The following CUL4A variants were observed in gnomAD, a reference collection of about 807,000 sequenced individuals.
The protein encoded by CUL4A is cullin-4A.
CUL4A carries 16 observed loss-of-function variants against 95.5 expected under a neutral mutation model. The observed-to-expected ratio is 0.17, with a 90% CI of 0.11 to 0.25. The LOEUF (loss-of-function observed/expected upper bound fraction) is 0.25. Ranked by LOEUF, CUL4A falls within the 10% of genes least tolerant of loss-of-function variation. The probability of loss-of-function intolerance (pLI) is 1.00; values close to 1 mark genes in which losing one functional copy is unlikely to be tolerated. For missense variants in CUL4A, 610 were observed against 937.0 expected (o/e 0.65, Z 4.56); for synonymous variants, 380 against 353.1 (o/e 1.08, Z -0.85).
At chr13:113,251,416 A>G (rs1481916097) in intron 15 of CUL4A, among the ~76,000 whole-genome samples, 1 of 152,206 alleles carries the variant, frequency 6.6e-6, no homozygotes, top group Non-Finnish European at 1.5e-5. Flanking sequence ...TCTTTGTCCC[A>G]AGATCTTTAG....
chr13:113,219,014 G>A lies in CUL4A; in HGVS notation c.334G>A (p.Asp112Asn). Residue 112 changes from aspartate (D) to asparagine (N), a missense_variant, in exon 3 of 20, where the codon GAC (aspartate) becomes AAC (asparagine). Asp to Asn is a conservative substitution (Grantham distance 23, BLOSUM62 1). Around this residue, in one of 10 missense-constraint regions of CUL4A, gnomAD observed 168 missense variants for 185.5 expected, o/e 0.91. Coordinates refer to ENST00000375440, the MANE Select transcript of CUL4A (RefSeq NM_001008895.4). ...LYKQLRQACE[D>N]HVQAQILPFR... Reference sequence around the variant, plus strand: ...CAAGCAACTGCGTCAGGCCTGTGAAGACCACGTCCAGGCACAGATCCTTCC... The same window carrying A: ...CAAGCAACTGCGTCAGGCCTGTGAAAACCACGTCCAGGCACAGATCCTTCC... 6.2e-7 allele frequency: 1 copy of A among 1,613,004 alleles called. No homozygotes were observed. The highest frequency in any genetic ancestry group is 8.5e-7 in the Non-Finnish European group (1 of 1,179,588).
At chr13:113,229,088 C>G (rs766704124) in intron 4 of CUL4A, among the ~76,000 whole-genome samples, 1 of 152,108 alleles carries the variant, frequency 6.6e-6, no homozygotes, top group Non-Finnish European at 1.5e-5. Context: ...CACCGCACTC[C>G]AGCCTGGGCG....
chr13:113,216,378 T>G (rs1485091922), intron 2 of CUL4A, among the ~76,000 whole-genome samples: 1 of 152,232 alleles, frequency 6.6e-6, no homozygotes, highest in African/African-American at 2.4e-5. Flanking sequence ...CACACACGTG[T>G]CTGTTGAGCT....
chr13:113,243,441 C>T (rs752736101), intron 11 of CUL4A, among the ~76,000 whole-genome samples: 1 of 152,184 alleles, frequency 6.6e-6, no homozygotes, highest in East Asian at 1.9e-4. Context: ...GAGGGGTGAT[C>T]ACCATCTTTG....
chr13:113,237,699 CTT>C (rs1433248339), intron 9 of CUL4A, among the ~76,000 whole-genome samples: 5 of 152,108 alleles, frequency 3.3e-5, no homozygotes, highest in Non-Finnish European at 7.4e-5. Flanking sequence ...AAATACGAGA[CTT>C]TTTTCAAGCC....
chr13:113,248,104 C>T (rs1008629554), intron 15 of CUL4A, among the ~76,000 whole-genome samples: 2 of 151,940 alleles, frequency 1.3e-5, no homozygotes, highest in Non-Finnish European at 2.9e-5. Flanking sequence ...GTTTCTCCAC[C>T]GTATCGTTAG....
chr13:113,255,271 T>A lies in CUL4A; in HGVS notation c.2031+146T>A, dbSNP rs544880166. The A allele has an allele frequency of 4.5e-5, 24 of 537,262 alleles. No individual in the cohort carries two copies. In the South Asian group the frequency reaches 8.7e-4, roughly 19 times the overall value. The allele number at this position is 537,262 out of a possible 1,614,324, so 33.3% of individuals were successfully genotyped here. A position where few individuals can be genotyped will look rare whatever the true frequency, so the allele number is the denominator to read the frequency against. ...ATGTAATGTTTATAAGAGTACTCATTTTCCTGTCGCTTTCATTAACTTCAC... is the reference window on the plus strand; with the variant it reads ...ATGTAATGTTTATAAGAGTACTCATATTCCTGTCGCTTTCATTAACTTCAC... On this transcript the variant is annotated intron_variant, in intron 18 of 19. Transcript: ENST00000375440.
At chr13:113,254,327 A>G (rs1419056339) in intron 16 of CUL4A, among the ~76,000 whole-genome samples, 1 of 152,184 alleles carries the variant, frequency 6.6e-6, no homozygotes, top group Non-Finnish European at 1.5e-5. Context: ...TCCCGTATAA[A>G]AGAAAGCTGG....
chr13:113,239,143 T>C (rs2041631838), intron 9 of CUL4A, among the ~76,000 whole-genome samples: 1 of 152,196 alleles, frequency 6.6e-6, no homozygotes, highest in African/African-American at 2.4e-5. Flanking sequence ...AAATAGTTGG[T>C]GTAAACTGGA....
At chr13:113,214,070 G>A (rs2040552987) in intron 2 of CUL4A, among the ~76,000 whole-genome samples, 1 of 152,222 alleles carries the variant, frequency 6.6e-6, no homozygotes, top group Admixed American at 6.5e-5. Flanking sequence ...TGTATACTTT[G>A]CCAAAGAATC....
At chr13:113,249,925 A>G (rs150593758) in intron 15 of CUL4A, among the ~76,000 whole-genome samples, 27 of 152,238 alleles carry the variant, frequency 1.8e-4, no homozygotes, top group African/African-American at 5.8e-4. Context: ...TGCTTTGCCT[A>G]GTTTTTAACC....
chr13:113,215,113 T>C (rs1048559427), intron 2 of CUL4A, among the ~76,000 whole-genome samples: 9 of 151,332 alleles, frequency 5.9e-5, no homozygotes, highest in South Asian at 4.2e-4. Flanking sequence ...TGGAGGTCAC[T>C]GTGTGACCAT....
intron 2 of CUL4A, among the ~76,000 whole-genome samples, chr13:113,211,065 T>C (rs1451910844): frequency 6.6e-6 from 1 of 152,238 alleles, no homozygotes; most frequent in Non-Finnish European, 1.5e-5. Flanking sequence ...GGAATCTTTC[T>C]TGGTAGAATG....
At chr13:113,219,704 G>A (rs944514344) in intron 3 of CUL4A, 14 of 152,356 alleles carry the variant, frequency 9.2e-5, no homozygotes, top group African/African-American at 3.4e-4. Context: ...TGCTGAGATA[G>A]GGCCTTATAT....
chr13:113,254,368 G>T (rs2042069153), intron 16 of CUL4A, among the ~76,000 whole-genome samples: 1 of 152,184 alleles, frequency 6.6e-6, no homozygotes, highest in Non-Finnish European at 1.5e-5. Context: ...GGAGGCCGAG[G>T]TGGGTGGATC....
chr13:113,260,203 C>CAAGAAAAAAAAAAAAAAAAAAAAAAAA (rs2042234984), intron 18 of CUL4A, among the ~76,000 whole-genome samples: 1 of 12,530 alleles, frequency 8.0e-5, no homozygotes, highest in Non-Finnish European at 1.5e-4. Flanking sequence ...GACTCCGTCT[C>CAAGAAAAAAAAAAAAAAAAAAAAAAAA]AAAAAAAAAA....
intron 16 of CUL4A, among the ~76,000 whole-genome samples, chr13:113,254,462 G>A (rs1214610317): frequency 6.6e-6 from 1 of 152,066 alleles, no homozygotes; most frequent in African/African-American, 2.4e-5. Context: ...GCCGGGCTTG[G>A]TAGGCACCAG....
chr13:113,237,259 G>T (rs2041575471), intron 9 of CUL4A, among the ~76,000 whole-genome samples: 1 of 152,202 alleles, frequency 6.6e-6, no homozygotes, highest in Non-Finnish European at 1.5e-5. Flanking sequence ...GGGACTCGGG[G>T]AGCTGTTCGG....
intron 18 of CUL4A, among the ~76,000 whole-genome samples, chr13:113,260,211 A>AAAAAAAAAAAAAACAAAACAAAAC (rs1197388632): frequency 8.4e-6 from 1 of 119,510 alleles, no homozygotes; most frequent in African/African-American, 3.6e-5. Flanking sequence ...CTCAAAAAAA[A>AAAAAAAAAAAAAACAAAACAAAAC]AAAAAAAACC....
Sources: gnomAD v4.1 joint callset for allele counts (sites outside exome capture counted in the v4.1 genomes callset) on GRCh38, gnomAD v4.1.1 for gene constraint, gnomAD v4.1.1 regional missense constraint, MANE v1.5 for transcripts, NCBI Gene and HGNC (gene_info 2026-07-23, HGNC 2026-07-21) for gene names.